Variants in VPS50 observed in about 807,000 individuals in gnomAD.
The protein encoded by VPS50 is VPS50 subunit of EARP/GARPII complex, also known as syndetin.
In VPS50, 70 loss-of-function variants were observed where a neutral mutation model predicts 139.7. That is an observed-to-expected ratio of 0.50 (90% CI 0.41 to 0.61). The LOEUF (loss-of-function observed/expected upper bound fraction) is 0.61, where lower values mean the gene tolerates loss of function less well. Among genes scored for constraint, VPS50 ranks in the 20% least tolerant of loss-of-function variants. The pLI is 0.00. For missense variants in VPS50, 921 were observed against 1,133.7 expected (o/e 0.81, Z 2.69); for synonymous variants, 365 against 376.7 (o/e 0.97, Z 0.36).
chr7:93,312,780 C>T (rs1431142517), intron 20 of VPS50, among the ~76,000 whole-genome samples: 4 of 151,744 alleles, frequency 2.6e-5, no homozygotes, highest in African/African-American at 7.3e-5. Flanking sequence ...TTTCTCATAC[C>T]GACCACCCCA....
At chr7:93,353,809 A>G (rs1312089446) in intron 26 of VPS50, 48 bp downstream of exon 26, 1 of 1,376,628 alleles carries the variant, frequency 7.3e-7, no homozygotes, top group Non-Finnish European at 1.0e-6. Flanking sequence ...GACAAATTGT[A>G]ATATATGAAT....
intron 24 of VPS50, 96 bp from the exon 25 acceptor site, chr7:93,349,779 C>A: frequency 1.2e-6 from 1 of 829,478 alleles, no homozygotes; most frequent in Non-Finnish European, 1.9e-6. Context: ...GTTTTATTTT[C>A]AGATATGATA....
intron 9 of VPS50, among the ~76,000 whole-genome samples, chr7:93,270,484 T>A (rs1795971887): frequency 6.6e-6 from 1 of 152,062 alleles, no homozygotes; most frequent in South Asian, 2.1e-4. Context: ...TTTATGAATG[T>A]ATCACATTTT....
chr7:93,285,182 A>G (rs1256178448), intron 12 of VPS50, among the ~76,000 whole-genome samples: 1 of 152,138 alleles, frequency 6.6e-6, no homozygotes, highest in African/African-American at 2.4e-5. Context: ...AAATCCATCT[A>G]TCACTGTGTG....
At chr7:93,327,940 G>T (rs956320771) in intron 21 of VPS50, among the ~76,000 whole-genome samples, 4 of 152,146 alleles carry the variant, frequency 2.6e-5, no homozygotes, top group African/African-American at 9.7e-5. Context: ...GATGCTTCTT[G>T]TGGAAAAATA....
At chr7:93,276,511 G>A (rs1017978807) in intron 12 of VPS50, 1 of 692,876 alleles carries the variant, frequency 1.4e-6, no homozygotes, top group Non-Finnish European at 2.1e-6. Flanking sequence ...ACTGAGATTG[G>A]AGCATGATTG....
At chr7:93,323,432 T>C (rs370075084) in intron 20 of VPS50, 179 bp from the exon 21 acceptor site, 14 of 223,874 alleles carry the variant, frequency 6.3e-5, no homozygotes, top group African/African-American at 2.3e-4. Context: ...TGCTGTCCCA[T>C]GCAATAGCCA....
intron 4 of VPS50, 33 bp from the exon 5 acceptor site, chr7:93,256,476 T>C: frequency 9.3e-7 from 1 of 1,069,588 alleles, no homozygotes; most frequent in Non-Finnish European, 1.3e-6. Flanking sequence ...GTTTGTTCTT[T>C]TATTTCCTTT....
rs150776880 is a variant in VPS50, at chr7:93,267,233, G to T, written c.660-3987G>T. ...ATTACTCATTATTCCACTTGTCCTT[G>T]CCTCTCTGCTTCTGTTACTCTAGGA... On this transcript the variant is annotated intron_variant, in intron 9 of 27. Transcript: ENST00000305866. 6.2e-3 allele frequency among the ~76,000 whole-genome samples: 950 copies of T among 152,186 alleles called. 11 individuals are homozygous for T. Among genetic ancestry groups the T allele is most frequent in the African/African-American group, 0.022 (922 of 41,518 alleles).
At chr7:93,333,036 T>C (rs1008917709) in intron 21 of VPS50, among the ~76,000 whole-genome samples, 88 of 152,286 alleles carry the variant, frequency 5.8e-4, no homozygotes, top group African/African-American at 2.1e-3. Context: ...GGTTGCGAGA[T>C]TGTATGCTAT....
chr7:93,260,239 G>A (rs1265863714), intron 9 of VPS50, among the ~76,000 whole-genome samples: 1 of 152,154 alleles, frequency 6.6e-6, no homozygotes, highest in African/African-American at 2.4e-5. Context: ...TGCTTAAAAT[G>A]AAGGATTTGC....
intron 20 of VPS50, among the ~76,000 whole-genome samples, chr7:93,317,433 C>G (rs572164141): frequency 6.6e-6 from 1 of 152,022 alleles, no homozygotes; most frequent in Non-Finnish European, 1.5e-5. Context: ...TCCTGTAATC[C>G]CAGCTACTTG....
At chr7:93,284,744 C>G (rs1796433233) in intron 12 of VPS50, among the ~76,000 whole-genome samples, 1 of 152,050 alleles carries the variant, frequency 6.6e-6, no homozygotes, top group African/African-American at 2.4e-5. Flanking sequence ...TTGCTTTAAC[C>G]CTTGGGGTTT....
chr7:93,314,960 A>G (rs1797381509), intron 20 of VPS50, among the ~76,000 whole-genome samples: 1 of 152,102 alleles, frequency 6.6e-6, no homozygotes, highest in African/African-American at 2.4e-5. Flanking sequence ...AAAATGGTTA[A>G]AAATTAAAAT....
chr7:93,245,385 G>A (rs1216632700), intron 2 of VPS50, among the ~76,000 whole-genome samples: 1 of 151,782 alleles, frequency 6.6e-6, no homozygotes, highest in Non-Finnish European at 1.5e-5. Flanking sequence ...GGGATTGAAG[G>A]TGCTGTGATG....
chr7:93,326,293 G>T (rs1463683790), intron 21 of VPS50, among the ~76,000 whole-genome samples: 2 of 104,710 alleles, frequency 1.9e-5, no homozygotes, highest in African/African-American at 3.8e-5. Flanking sequence ...TCTGGGGACT[G>T]TTGTGGGGTG....
intron 15 of VPS50, 59 bp from the exon 16 acceptor site, chr7:93,297,086 A>G (rs1213995334): frequency 6.6e-7 from 1 of 1,523,538 alleles, no homozygotes; most frequent in Non-Finnish European, 8.7e-7. Context: ...GAGAAACCAC[A>G]CTTCTTTTTC....
chr7:93,270,066 A>G (rs1188888208), intron 9 of VPS50, among the ~76,000 whole-genome samples: 4 of 151,780 alleles, frequency 2.6e-5, no homozygotes, highest in African/African-American at 9.7e-5. Flanking sequence ...ATTTTGTTAG[A>G]CATCACATCC....
rs557886140 is a variant in VPS50, at chr7:93,350,082, A to G, written c.2463+49A>G. 4.3e-5 allele frequency: 59 copies of G among 1,375,158 alleles called. No homozygotes were observed. In the African/African-American group the frequency reaches 7.9e-4, roughly 18 times the overall value. The allele number at this position is 1,375,158 out of a possible 1,614,324, so 85.2% of individuals were successfully genotyped here. ...TGCTAAAGATCAATCTACTAAGAGA[A>G]GTGTTCCTTTATTGCAGTGGCTCTA... On this transcript the variant is annotated intron_variant, in intron 25 of 27. Coordinates refer to ENST00000305866, the MANE Select transcript of VPS50 (RefSeq NM_017667.4).
Sources: gnomAD v4.1 joint callset for allele counts (sites outside exome capture counted in the v4.1 genomes callset) on GRCh38, gnomAD v4.1.1 for gene constraint, MANE v1.5 for transcripts, NCBI Gene and HGNC (gene_info 2026-07-23, HGNC 2026-07-21) for gene names.